PPARGC1A: variants seen among roughly 807,000 people sequenced by gnomAD.
PPARGC1A encodes peroxisome proliferator-activated receptor gamma coactivator 1-alpha.
Under a neutral mutation model 88.7 loss-of-function variants are expected in PPARGC1A, and 25 were observed. The observed-to-expected ratio is 0.28, with a 90% CI of 0.21 to 0.39. The LOEUF (loss-of-function observed/expected upper bound fraction) is 0.39, where lower values mean the gene tolerates loss of function less well. PPARGC1A is among the 10% of genes least tolerant of loss of function. The probability of loss-of-function intolerance (pLI) is 1.00; values close to 1 mark genes in which losing one functional copy is unlikely to be tolerated. For synonymous variants in PPARGC1A, 363 were observed against 355.6 expected, an observed-to-expected ratio of 1.02 and a Z score of -0.24; for missense variants, 880 against 968.7, an observed-to-expected ratio of 0.91 and a Z score of 1.22.
At chr4:23,938,781 T>C in the PPARGC1A span, among the ~76,000 whole-genome samples, 1 of 152,182 alleles carries the variant, frequency 6.6e-6, no homozygotes. Context: ...AGAGAAATAG[T>C]GTAGGACAGT....
upstream of PPARGC1A, among the ~76,000 whole-genome samples, chr4:23,900,256 AT>A (rs1488987915): frequency 2.6e-5 from 4 of 152,250 alleles, no homozygotes; most frequent in Non-Finnish European, 4.4e-5. Flanking sequence ...CAACTCTAAA[AT>A]TTTAGTCTTT....
intron 12 of PPARGC1A, among the ~76,000 whole-genome samples, chr4:23,798,095 T>C (rs1717966246): frequency 6.6e-6 from 1 of 151,960 alleles, no homozygotes; most frequent in South Asian, 2.1e-4. Flanking sequence ...CCCCCCTTTT[T>C]CCTTTACCTA....
At chr4:24,020,152 A>G in the PPARGC1A span, among the ~76,000 whole-genome samples, 1 of 152,186 alleles carries the variant, frequency 6.6e-6, no homozygotes, top group Non-Finnish European at 1.5e-5. Context: ...GAACTGCAAT[A>G]TTGACCGACA....
the PPARGC1A span, among the ~76,000 whole-genome samples, chr4:24,132,143 T>A: frequency 6.6e-6 from 1 of 152,164 alleles, no homozygotes; most frequent in Non-Finnish European, 1.5e-5. Context: ...TTATTATCCC[T>A]GTTTTGAAAT....
chr4:24,105,564 T>C, the PPARGC1A span, among the ~76,000 whole-genome samples: 1 of 152,188 alleles, frequency 6.6e-6, no homozygotes, highest in African/African-American at 2.4e-5. Flanking sequence ...TGATTCAGTA[T>C]GTCTGGAGTC....
the PPARGC1A span, among the ~76,000 whole-genome samples, chr4:24,404,191 A>G: frequency 3.1e-4 from 47 of 152,242 alleles, no homozygotes; most frequent in African/African-American, 1.1e-3. Flanking sequence ...TGAATCTGGG[A>G]GGCAGAGGTT....
At chr4:23,934,123 G>A in the PPARGC1A span, among the ~76,000 whole-genome samples, 12 of 152,210 alleles carry the variant, frequency 7.9e-5, no homozygotes, top group African/African-American at 2.9e-4. Flanking sequence ...AGGTTAAGTG[G>A]GTGGTGACAT....
chr4:23,872,822 C>T (rs991367280), intron 2 of PPARGC1A, among the ~76,000 whole-genome samples: 1 of 152,070 alleles, frequency 6.6e-6, no homozygotes, highest in Non-Finnish European at 1.5e-5. Context: ...CTTTTAAAAT[C>T]CACAGGCAAG....
At chr4:24,087,554 G>A in the PPARGC1A span, among the ~76,000 whole-genome samples, 12 of 152,158 alleles carry the variant, frequency 7.9e-5, no homozygotes, top group Non-Finnish European at 1.5e-4. Flanking sequence ...AAACAATGAC[G>A]TGTCACGAAG....
the PPARGC1A span, among the ~76,000 whole-genome samples, chr4:24,452,955 C>T: frequency 1.2e-4 from 18 of 152,192 alleles, no homozygotes; most frequent in African/African-American, 4.1e-4. Flanking sequence ...GAAGTCTTAA[C>T]ACCCAGTGCC....
At chr4:23,936,315 A>C in the PPARGC1A span, among the ~76,000 whole-genome samples, 39 of 152,206 alleles carry the variant, frequency 2.6e-4, no homozygotes, top group African/African-American at 8.9e-4. Context: ...CTTGCCCAAG[A>C]TCACATAGCT....
the PPARGC1A span, among the ~76,000 whole-genome samples, chr4:24,271,221 C>T: frequency 1.3e-5 from 2 of 152,166 alleles, no homozygotes; most frequent in African/African-American, 2.4e-5. Context: ...ATCATGGGAA[C>T]TGGCAGCCCT....
At chr4:24,325,766 C>T in the PPARGC1A span, among the ~76,000 whole-genome samples, 1 of 152,100 alleles carries the variant, frequency 6.6e-6, no homozygotes, top group Non-Finnish European at 1.5e-5. Flanking sequence ...AGTCCGTCCC[C>T]TTCTTAATCA....
At chr4:23,908,517 GAAA>G (rs5856806), upstream of PPARGC1A, among the ~76,000 whole-genome samples, 1 of 146,908 alleles carries the variant, frequency 6.8e-6, no homozygotes. Context: ...TAGGGAACAG[GAAA>G]AAAAAAAAAC....
At chr4:24,376,330 A>T in the PPARGC1A span, among the ~76,000 whole-genome samples, 2 of 152,178 alleles carry the variant, frequency 1.3e-5, no homozygotes, top group Non-Finnish European at 2.9e-5. Context: ...TCAGCCCTGT[A>T]GGGGGTGAAG....
the PPARGC1A span, among the ~76,000 whole-genome samples, chr4:24,439,643 A>C: frequency 6.6e-6 from 1 of 152,236 alleles, no homozygotes; most frequent in Non-Finnish European, 1.5e-5. Context: ...TTTCCAGAAG[A>C]AACGGGAAGA....
the PPARGC1A span, among the ~76,000 whole-genome samples, chr4:24,310,372 C>T: frequency 2.0e-5 from 3 of 152,184 alleles, no homozygotes; most frequent in African/African-American, 7.2e-5. Context: ...GTTTGATTTA[C>T]TTTCTAGGTC....
the PPARGC1A span, among the ~76,000 whole-genome samples, chr4:24,356,993 C>T: frequency 6.6e-6 from 1 of 152,046 alleles, no homozygotes; most frequent in African/African-American, 2.4e-5. Flanking sequence ...ATTAATGTTC[C>T]CCATCCTGGG....
rs970647152 is a variant in PPARGC1A, at chr4:23,889,931, G to C, written c.27C>G (p.Asp9Glu). ...CGATGTCACTCCATACAGACTCAGAGTCCTGGTTGCACATGTCCCACGCCA... is the reference window on the plus strand; with the variant it reads ...CGATGTCACTCCATACAGACTCAGACTCCTGGTTGCACATGTCCCACGCCA... MAWDMCNQDSESVWSDIEC... is the reference protein window; with the variant it reads MAWDMCNQESESVWSDIEC... The change falls in exon 1 of 13, where the codon GAC becomes GAG. Residue 9 changes from aspartate to glutamate, a missense_variant. By Grantham distance (45) the Asp-to-Glu change is conservative (BLOSUM62 2). Transcript: ENST00000264867. 6.2e-7 allele frequency: 1 copy of C among 1,613,856 alleles called. No individual in the cohort carries two copies. Among genetic ancestry groups the C allele is most frequent in the Non-Finnish European group, 8.5e-7 (1 of 1,179,828 alleles).
Sources: allele counts gnomAD v4.1 joint callset (sites outside exome capture counted in the v4.1 genomes callset), GRCh38; gene constraint gnomAD v4.1.1; transcripts MANE v1.5; gene names NCBI Gene and HGNC (gene_info 2026-07-23, HGNC 2026-07-21).